The following CBLB variants were observed in gnomAD, a reference collection of about 807,000 sequenced individuals.
CBLB encodes E3 ubiquitin-protein ligase CBL-B.
A neutral mutation model predicts 104.9 loss-of-function variants in CBLB; 31 were observed. The observed-to-expected ratio is 0.30, with a 90% CI of 0.22 to 0.40. The LOEUF is 0.40. Ranked by LOEUF, CBLB falls within the 10% of genes least tolerant of loss-of-function variation. CBLB has a pLI of 1.00. For synonymous variants in CBLB, 440 were observed against 422.6 expected, an observed-to-expected ratio of 1.04 and a Z score of -0.51; for missense variants, 1,062 against 1,214.6, an observed-to-expected ratio of 0.87 and a Z score of 1.87.
At chr3:105,673,316 G>C (rs148625665) in intron 17 of CBLB, 2 of 152,140 alleles carry the variant, frequency 1.3e-5, no homozygotes, top group African/African-American at 4.8e-5. Flanking sequence ...AAATATGCCT[G>C]CCTCAGCCTC....
chr3:105,708,413 G>A (rs2070542821), intron 10 of CBLB, among the ~76,000 whole-genome samples: 1 of 152,022 alleles, frequency 6.6e-6, no homozygotes, highest in Non-Finnish European at 1.5e-5. Flanking sequence ...GGGTAGAAAA[G>A]TAGCAAAGGA....
At chr3:105,841,362 CATT>C (rs1470735705) in intron 3 of CBLB, among the ~76,000 whole-genome samples, 2 of 151,216 alleles carry the variant, frequency 1.3e-5, no homozygotes, top group Non-Finnish European at 2.9e-5. Context: ...CTGGAGATCA[CATT>C]ATTTCACATA....
intron 10 of CBLB, among the ~76,000 whole-genome samples, chr3:105,716,209 A>G (rs965798401): frequency 6.6e-6 from 1 of 152,224 alleles, no homozygotes; most frequent in African/African-American, 2.4e-5. Context: ...AACCACTCCT[A>G]TAAGAAAAAA....
rs189083326 is a variant in CBLB, at chr3:105,729,193, T to C, written c.1203+4816A>G. On this transcript the variant is annotated intron_variant, in intron 9 of 18. Coordinates refer to ENST00000394030, the MANE Select transcript of CBLB (RefSeq NM_170662.5). ...AAAATGTCTAGCAGCCATAATTAAA[T>C]TTGAAGGATAACAGGATACTCATTT... Among the ~76,000 whole-genome samples, 8 of 152,182 alleles carry C rather than the reference T, an allele frequency of 5.3e-5. No individual in the cohort carries two copies. The South Asian group carries it at 1.5e-3, about 28-fold the overall frequency.
At chr3:105,817,704 T>A (rs2085264926) in intron 3 of CBLB, among the ~76,000 whole-genome samples, 3 of 152,064 alleles carry the variant, frequency 2.0e-5, no homozygotes, top group Admixed American at 1.3e-4. Flanking sequence ...ACTGAAGGCA[T>A]TAGTTGTAAG....
chr3:105,854,108 ACT>A (rs1324748468), intron 2 of CBLB, among the ~76,000 whole-genome samples: 1 of 152,180 alleles, frequency 6.6e-6, no homozygotes, highest in Non-Finnish European at 1.5e-5. Context: ...GTTTTGGTGT[ACT>A]GTTCTGAACC....
chr3:105,824,674 T>G (rs1337270611), intron 3 of CBLB, among the ~76,000 whole-genome samples: 1 of 152,050 alleles, frequency 6.6e-6, no homozygotes, highest in Non-Finnish European at 1.5e-5. Flanking sequence ...AATACGATTT[T>G]TATGCCAACT....
intron 12 of CBLB, among the ~76,000 whole-genome samples, chr3:105,698,776 C>G (rs1186725790): frequency 6.6e-6 from 1 of 152,068 alleles, no homozygotes; most frequent in Non-Finnish European, 1.5e-5. Context: ...TTAACATCTA[C>G]TATTTTCATT....
At chr3:105,828,199 C>T (rs113569512) in intron 3 of CBLB, among the ~76,000 whole-genome samples, 172 of 152,298 alleles carry the variant, frequency 1.1e-3, no homozygotes, top group African/African-American at 4.0e-3. Context: ...CCTTTAAGGG[C>T]ATGATCTAGA....
intron 5 of CBLB, chr3:105,749,803 A>C: frequency 4.0e-6 from 1 of 247,702 alleles, no homozygotes. Flanking sequence ...AAAATGACCA[A>C]TATCAGACAA....
intron 12 of CBLB, among the ~76,000 whole-genome samples, chr3:105,698,214 T>C (rs982627769): frequency 6.6e-6 from 1 of 152,052 alleles, no homozygotes; most frequent in Non-Finnish European, 1.5e-5. Context: ...AAAAACTTCT[T>C]AGACTTCACT....
intron 10 of CBLB, among the ~76,000 whole-genome samples, chr3:105,707,869 AC>A (rs150735929): frequency 0.068 from 10,306 of 152,112 alleles, 491 homozygotes; most frequent in Admixed American, 0.15. Context: ...ATAAAAAAAA[AC>A]AAAGTACATC....
chr3:105,711,448 T>C (rs1394485726), intron 10 of CBLB, among the ~76,000 whole-genome samples: 1 of 152,078 alleles, frequency 6.6e-6, no homozygotes, highest in Non-Finnish European at 1.5e-5. Flanking sequence ...GTATTTAAAA[T>C]AGTAGCCTAT....
At chr3:105,792,779 C>A (rs1272327692) in intron 3 of CBLB, among the ~76,000 whole-genome samples, 2 of 152,276 alleles carry the variant, frequency 1.3e-5, no homozygotes, top group East Asian at 1.9e-4. Flanking sequence ...GAGAAAGGAG[C>A]AAATTAGTTC....
At chr3:105,664,689 T>C (rs2064175393) in intron 18 of CBLB, among the ~76,000 whole-genome samples, 1 of 152,194 alleles carries the variant, frequency 6.6e-6, no homozygotes, top group Non-Finnish European at 1.5e-5. Context: ...GCTGCACAAG[T>C]ATCTAAGACT....
At chr3:105,741,298 C>A (rs1451344918) in intron 6 of CBLB, among the ~76,000 whole-genome samples, 1 of 152,108 alleles carries the variant, frequency 6.6e-6, no homozygotes, top group South Asian at 2.1e-4. Context: ...AAGCGATTCT[C>A]CTGCCTCAGC....
Position 105,832,664 on chromosome 3 carries a change from C to T in CBLB, c.419+20750G>A, listed in dbSNP as rs547598822. On this transcript the variant is annotated intron_variant, in intron 3 of 18. Transcript: ENST00000394030. ...AAAACAAAACTGAACAAAACAAAAA[C>T]GAACCATCAAAGCTCTTGTCCATAT... is the stretch of plus-strand genomic sequence containing the variant. Among the ~76,000 whole-genome samples the T allele has an allele frequency of 1.0e-3, 159 of 152,268 alleles. 1 individual carries two copies. Among genetic ancestry groups the T allele is most frequent in the South Asian group, 5.0e-3 (24 of 4,830 alleles).
chr3:105,687,782 T>C (rs2067190837), intron 13 of CBLB, among the ~76,000 whole-genome samples: 1 of 151,634 alleles, frequency 6.6e-6, no homozygotes, highest in African/African-American at 2.4e-5. Context: ...CAAGATTACA[T>C]AGTTTTTATT....
intron 18 of CBLB, among the ~76,000 whole-genome samples, chr3:105,662,854 A>G (rs1390124879): frequency 6.6e-6 from 1 of 152,214 alleles, no homozygotes; most frequent in East Asian, 1.9e-4. Context: ...AAAAGAAGAG[A>G]GTGATGTGGC....
Sources: allele counts gnomAD v4.1 joint callset (sites outside exome capture counted in the v4.1 genomes callset), GRCh38; gene constraint gnomAD v4.1.1; transcripts MANE v1.5; gene names NCBI Gene and HGNC (gene_info 2026-07-23, HGNC 2026-07-21).